DCLK2: variants seen among roughly 807,000 people sequenced by gnomAD.
The protein encoded by DCLK2 is doublecortin like kinase 2, also known as serine/threonine-protein kinase DCLK2.
DCLK2 carries 31 observed loss-of-function variants against 78.4 expected under a neutral mutation model. That is an observed-to-expected ratio of 0.40 (90% CI 0.30 to 0.53). The LOEUF (loss-of-function observed/expected upper bound fraction) is 0.53. Among genes scored for constraint, DCLK2 ranks in the 20% least tolerant of loss-of-function variants. The probability of loss-of-function intolerance (pLI) is 0.61; values close to 1 mark genes in which losing one functional copy is unlikely to be tolerated. For synonymous variants in DCLK2, 407 were observed against 374.9 expected (o/e 1.09, Z -0.99); for missense variants, 872 against 973.7 (o/e 0.90, Z 1.39).
intron 10 of DCLK2, among the ~76,000 whole-genome samples, chr4:150,236,162 A>G (rs955217908): frequency 4.1e-4 from 63 of 152,194 alleles, no homozygotes; most frequent in African/African-American, 1.5e-3. Flanking sequence ...TTGCATTCTG[A>G]GAGCAACTTT....
At position 150,203,779 on chromosome 4, in the gene DCLK2, G is replaced by A. The variant is rs751184241; in HGVS notation, c.962-16G>A. 23 of 1,603,600 alleles carry A rather than the reference G, an allele frequency of 1.4e-5. 1 individual carries two copies. The highest frequency in any genetic ancestry group is 3.3e-4 in the Middle Eastern group (2 of 6,044). On this transcript the variant is annotated splice_polypyrimidine_tract_variant and intron_variant, in intron 4 of 15. Coordinates refer to ENST00000296550, the MANE Select transcript of DCLK2 (RefSeq NM_001040260.4). ...TTTTAATGGGACTTCTGTCTTCTTTGTTGTCTCATGGGCAGTTAATGGAAC... is the reference window on the plus strand; with the variant it reads ...TTTTAATGGGACTTCTGTCTTCTTTATTGTCTCATGGGCAGTTAATGGAAC...
At chr4:150,087,305 TTTTG>T (rs1178555610) in intron 1 of DCLK2, among the ~76,000 whole-genome samples, 5 of 152,262 alleles carry the variant, frequency 3.3e-5, no homozygotes, top group East Asian at 3.8e-4. Flanking sequence ...CTCTGTTACC[TTTTG>T]TTTATTTGTT....
chr4:150,254,218 C>T (rs930688824), intron 15 of DCLK2, among the ~76,000 whole-genome samples: 3 of 152,210 alleles, frequency 2.0e-5, no homozygotes, highest in South Asian at 2.1e-4. Flanking sequence ...TGAGAAGGGA[C>T]GGATTCAAGG....
intron 2 of DCLK2, among the ~76,000 whole-genome samples, chr4:150,114,396 G>C (rs1378322252): frequency 6.6e-6 from 1 of 152,100 alleles, no homozygotes; most frequent in East Asian, 1.9e-4. Context: ...CTTAGGTCTA[G>C]TAGTAAGGTA....
chr4:150,184,601 CTT>C (rs746012032), intron 2 of DCLK2, among the ~76,000 whole-genome samples: 30 of 43,964 alleles, frequency 6.8e-4, no homozygotes, highest in African/African-American at 2.2e-3. Flanking sequence ...TCTTCTTCTT[CTT>C]TTTTTTTTTT....
intron 2 of DCLK2, among the ~76,000 whole-genome samples, chr4:150,186,482 C>T (rs1737946861): frequency 6.6e-6 from 1 of 152,136 alleles, no homozygotes; most frequent in East Asian, 1.9e-4. Flanking sequence ...AACATTCACC[C>T]TATTGTAACA....
intron 2 of DCLK2, among the ~76,000 whole-genome samples, chr4:150,123,039 C>A (rs1732675977): frequency 6.6e-6 from 1 of 152,176 alleles, no homozygotes; most frequent in African/African-American, 2.4e-5. Context: ...AATGTTGTAG[C>A]TGGATTGATC....
intron 2 of DCLK2, among the ~76,000 whole-genome samples, chr4:150,179,447 T>C (rs1346651538): frequency 6.6e-6 from 1 of 152,212 alleles, no homozygotes; most frequent in East Asian, 1.9e-4. Flanking sequence ...CCAAAGTAAG[T>C]ATAGAATTAA....
intron 2 of DCLK2, among the ~76,000 whole-genome samples, chr4:150,188,046 C>A (rs1361972935): frequency 6.6e-6 from 1 of 152,064 alleles, no homozygotes; most frequent in Non-Finnish European, 1.5e-5. Context: ...TGATCCGCAC[C>A]CCTTGGCCTC....
intron 10 of DCLK2, among the ~76,000 whole-genome samples, chr4:150,238,037 C>G (rs1426900470): frequency 6.6e-6 from 1 of 152,148 alleles, no homozygotes; most frequent in Non-Finnish European, 1.5e-5. Flanking sequence ...ACCTAACTTT[C>G]TAAAGTTATA....
At chr4:150,254,572 G>A in intron 15 of DCLK2, 2 of 398,230 alleles carry the variant, frequency 5.0e-6, no homozygotes, top group Non-Finnish European at 8.9e-6. Context: ...GGAAAAACCT[G>A]TATGCTGGCT....
At chr4:150,183,283 A>G (rs541153486) in intron 2 of DCLK2, among the ~76,000 whole-genome samples, 4 of 152,370 alleles carry the variant, frequency 2.6e-5, no homozygotes, top group Non-Finnish European at 2.9e-5. Context: ...ATTTAATGCA[A>G]TCTGAAGTCT....
At chr4:150,170,741 A>G (rs1736468295) in intron 2 of DCLK2, among the ~76,000 whole-genome samples, 2 of 152,208 alleles carry the variant, frequency 1.3e-5, no homozygotes, top group South Asian at 4.1e-4. Flanking sequence ...CATCATTTAG[A>G]GGCTGAACAA....
chr4:150,247,714 T>C lies in DCLK2; in HGVS notation c.1875+15T>C, dbSNP rs1743436639. 1 of 1,606,468 alleles carries C rather than the reference T, an allele frequency of 6.2e-7. No homozygotes were observed. The highest frequency in any genetic ancestry group is 2.2e-5 in the East Asian group (1 of 44,836). ...ACTCTGCCAAGGTACCCTCCAGGCC[T>C]GTTTCTGTGGGTTGTATTACGTTGT... On this transcript the variant is annotated intron_variant, in intron 13 of 15. Transcript: ENST00000296550.
chr4:150,256,260 CG>C lies in DCLK2; in HGVS notation c.*16del, dbSNP rs1256845363. ...CCACCGAGACTGAGCCTCCTGCAGA[CG>C]GGCGAAGCCGCCTGCTGCAGCCCAG... On this transcript the variant is annotated 3_prime_UTR_variant, in exon 16 of 16. Transcript: ENST00000296550. 8.1e-5 allele frequency: 121 copies of C among 1,488,510 alleles called. No individual in the cohort carries two copies. In the African/African-American group the frequency reaches 1.6e-3, roughly 20 times the overall value. The allele number at this position is 1,488,510 out of a possible 1,614,324, so 92.2% of individuals were successfully genotyped here.
intron 2 of DCLK2, among the ~76,000 whole-genome samples, chr4:150,184,491 C>T (rs1014719691): frequency 6.6e-6 from 1 of 152,122 alleles, no homozygotes; most frequent in Admixed American, 6.5e-5. Flanking sequence ...CTTGCTTTGA[C>T]ACCAACTCCT....
chr4:150,211,308 G>A (rs1740295684), intron 5 of DCLK2, among the ~76,000 whole-genome samples: 1 of 151,278 alleles, frequency 6.6e-6, no homozygotes, highest in South Asian at 2.1e-4. Flanking sequence ...CCAGAACCAA[G>A]TGATAAGAGA....
intron 12 of DCLK2, among the ~76,000 whole-genome samples, chr4:150,245,356 C>T (rs1743225407): frequency 6.6e-6 from 1 of 152,168 alleles, no homozygotes; most frequent in African/African-American, 2.4e-5. Context: ...GTCCATTCAG[C>T]TGGGCTTGCT....
At chr4:150,201,804 C>CA (rs35286104) in intron 4 of DCLK2, among the ~76,000 whole-genome samples, 10 of 151,234 alleles carry the variant, frequency 6.6e-5, no homozygotes, top group South Asian at 2.1e-4. Flanking sequence ...GAGAAAATAC[C>CA]AAAAAAAAAA....
Sources: gnomAD v4.1 joint callset for allele counts (sites outside exome capture counted in the v4.1 genomes callset) on GRCh38, gnomAD v4.1.1 for gene constraint, MANE v1.5 for transcripts, NCBI Gene and HGNC (gene_info 2026-07-23, HGNC 2026-07-21) for gene names.